Variants in GARNL3 observed in about 807,000 individuals in gnomAD.
GARNL3 encodes GTPase-activating Rap/Ran-GAP domain-like protein 3.
Under a neutral mutation model 125.0 loss-of-function variants are expected in GARNL3, and 63 were observed. The ratio of observed to expected loss-of-function variants is 0.50; its 90% CI spans 0.41 to 0.62. GARNL3 has a LOEUF of 0.62. GARNL3 is among the 20% of genes least tolerant of loss of function. The pLI is 0.00. For missense variants in GARNL3, 994 were observed against 1,244.0 expected, an observed-to-expected ratio of 0.80 and a Z score of 3.02; for synonymous variants, 439 against 457.5, an observed-to-expected ratio of 0.96 and a Z score of 0.52.
chr9:127,248,700 T>G (rs2063347462), intron 2 of GARNL3, among the ~76,000 whole-genome samples: 2 of 142,782 alleles, frequency 1.4e-5, no homozygotes, highest in Admixed American at 7.2e-5. Context: ...CTCCATTTCC[T>G]GGGCTCAAGT....
At chr9:127,301,006 C>T in intron 2 of GARNL3, 1 of 176,846 alleles carries the variant, frequency 5.7e-6, no homozygotes. Flanking sequence ...GTGGTTCCCT[C>T]TGCTATTGCC....
chr9:127,236,550 G>A (rs536089027), intron 1 of GARNL3, among the ~76,000 whole-genome samples: 1 of 152,206 alleles, frequency 6.6e-6, no homozygotes, highest in Non-Finnish European at 1.5e-5. Context: ...CTGGGCTCAA[G>A]TGATGCTCTC....
intron 2 of GARNL3, among the ~76,000 whole-genome samples, chr9:127,297,645 G>C (rs539849186): frequency 6.6e-6 from 1 of 152,274 alleles, no homozygotes. Flanking sequence ...GAATACATAC[G>C]TAACACATAC....
intron 1 of GARNL3, among the ~76,000 whole-genome samples, chr9:127,279,214 T>G (rs1448221854): frequency 1.3e-5 from 2 of 152,118 alleles, no homozygotes; most frequent in Non-Finnish European, 2.9e-5. Context: ...TTTTCATCTT[T>G]CATTTTTTAC....
intron 1 of GARNL3, among the ~76,000 whole-genome samples, chr9:127,281,603 A>G (rs2064107052): frequency 6.6e-6 from 1 of 152,038 alleles, no homozygotes; most frequent in Non-Finnish European, 1.5e-5. Context: ...GGAGAAAAAA[A>G]CCTACCCCTT....
At position 127,379,955 on chromosome 9, in the gene GARNL3, G is replaced by A. The variant is rs1344270994; in HGVS notation, c.2162-3483G>A. ...AGCGCTTTGGGAGGCCAAAGCGGGTGGATCACTTGTGGTCAGGAGTTCGAG... is the reference window on the plus strand; with the variant it reads ...AGCGCTTTGGGAGGCCAAAGCGGGTAGATCACTTGTGGTCAGGAGTTCGAG... On this transcript the variant is annotated intron_variant, in intron 22 of 27. Coordinates refer to ENST00000373387, the MANE Select transcript of GARNL3 (RefSeq NM_032293.5). 2.0e-5 allele frequency among the ~76,000 whole-genome samples: 3 copies of A among 152,276 alleles called. No individual in the cohort carries two copies. The East Asian group carries it at 5.8e-4, about 29-fold the overall frequency.
chr9:127,245,806 C>G (rs540918083), intron 2 of GARNL3, among the ~76,000 whole-genome samples: 1 of 152,184 alleles, frequency 6.6e-6, no homozygotes, highest in African/African-American at 2.4e-5. Flanking sequence ...GAGGCCCAGC[C>G]TTTTCTGGGA....
chr9:127,333,958 C>T (rs1402855358), intron 9 of GARNL3, among the ~76,000 whole-genome samples: 3 of 152,154 alleles, frequency 2.0e-5, no homozygotes, highest in Admixed American at 6.5e-5. Flanking sequence ...GCTGTGGCAA[C>T]AGTCCAAACA....
At chr9:127,342,137 A>G (rs1405546299) in intron 13 of GARNL3, 82 bp from the exon 14 acceptor site, 8 of 930,466 alleles carry the variant, frequency 8.6e-6, no homozygotes, top group Non-Finnish European at 1.4e-5. Context: ...ACTAAAGAAA[A>G]GAACAGACAA....
In GARNL3 at chr9:127,389,152, G is replaced by C. The variant is rs748075441; in HGVS notation, c.2743+33G>C. The C allele has an allele frequency of 2.0e-6, 3 of 1,464,216 alleles. No homozygotes were observed. The Admixed American group carries it at 5.1e-5, about 25-fold the overall frequency. 90.7% of individuals were successfully genotyped at this position (1,464,216 alleles called of 1,614,324 possible). On this transcript the variant is annotated intron_variant, in intron 26 of 27. Transcript: ENST00000373387. The stretch of plus-strand genomic sequence containing the variant: ...TTCTCAATCCTGGTTTCCACTGTCT[G>C]TGAACAGACCAGCTGGTTTTATCTT...
intron 4 of GARNL3, 138 bp downstream of exon 4, chr9:127,313,697 AG>A: frequency 1.4e-6 from 1 of 699,062 alleles, no homozygotes; most frequent in Non-Finnish European, 2.6e-6. Context: ...AGAAGTTGAC[AG>A]TGCCTTTGCC....
At chr9:127,311,514 A>C in intron 2 of GARNL3, 122 bp from the exon 3 acceptor site, 1 of 678,142 alleles carries the variant, frequency 1.5e-6, no homozygotes, top group South Asian at 1.8e-5. Context: ...ACATGCAGCC[A>C]CAGCCCTTGG....
intron 7 of GARNL3, among the ~76,000 whole-genome samples, chr9:127,327,286 A>T (rs920386720): frequency 6.6e-6 from 1 of 152,248 alleles, no homozygotes; most frequent in Non-Finnish European, 1.5e-5. Context: ...AAGCTAAACA[A>T]GTAAACAAAC....
intron 2 of GARNL3, among the ~76,000 whole-genome samples, chr9:127,298,620 G>A (rs963538694): frequency 6.6e-6 from 1 of 152,122 alleles, no homozygotes; most frequent in African/African-American, 2.4e-5. Context: ...AAATAATATT[G>A]TAATGAACAC....
chr9:127,231,142 C>T (rs886429691), intron 1 of GARNL3, among the ~76,000 whole-genome samples: 19 of 144,466 alleles, frequency 1.3e-4, no homozygotes, highest in South Asian at 8.7e-4. Context: ...GCAAGCTCCG[C>T]CTTCTGGGTT....
intron 1 of GARNL3, among the ~76,000 whole-genome samples, chr9:127,287,797 T>C (rs935873767): frequency 1.3e-5 from 2 of 152,260 alleles, no homozygotes; most frequent in African/African-American, 2.4e-5. Context: ...CCCCAGCCTG[T>C]GGTGCTTCCG....
At chr9:127,374,432 G>T (rs372691252) in intron 22 of GARNL3, among the ~76,000 whole-genome samples, 10 of 152,190 alleles carry the variant, frequency 6.6e-5, no homozygotes, top group South Asian at 6.2e-4. Context: ...AAGCATAGAA[G>T]ATATTTATGA....
At chr9:127,368,522 G>A (rs1831417918) in intron 22 of GARNL3, among the ~76,000 whole-genome samples, 1 of 150,874 alleles carries the variant, frequency 6.6e-6, no homozygotes, top group Admixed American at 6.6e-5. Flanking sequence ...TTAGAGACGG[G>A]GTTTCACCAT....
In GARNL3 at chr9:127,385,069, T is replaced by C. The variant is rs766306469; in HGVS notation, c.2312T>C (p.Met771Thr). The change falls in exon 24 of 28, where the codon ATG (methionine) becomes ACG (threonine). Residue 771 changes from methionine (M) to threonine (T), a missense_variant. By Grantham distance (81) the Met-to-Thr change is moderately conservative. This residue lies in a region of GARNL3 where 728 missense variants were observed against 865.7 expected (regional missense o/e 0.84). Transcript: ENST00000373387. The surrounding 1 kb of genome is among the most constrained non-coding windows in gnomAD (Gnocchi z 4.1). ...PYLLAFTTDS[M>T]EIRLVVNGNL... ...CTCCTGGCCTTCACCACCGACTCCA[T>C]GGAGATCCGCCTGGTGGTGAACGGG... 1.9e-6 allele frequency: 3 copies of C among 1,612,724 alleles called. No homozygotes were observed. The highest frequency in any genetic ancestry group is 2.5e-6 in the Non-Finnish European group (3 of 1,179,232).
Sources: allele counts gnomAD v4.1 joint callset (sites outside exome capture counted in the v4.1 genomes callset), GRCh38; gene constraint gnomAD v4.1.1; regional missense constraint gnomAD v4.1.1; non-coding constraint Gnocchi (gnomAD v3.1); transcripts MANE v1.5; gene names NCBI Gene and HGNC (gene_info 2026-07-23, HGNC 2026-07-21).